TFB1M: variants seen among roughly 807,000 people sequenced by gnomAD.
TFB1M encodes the protein transcription factor B1, mitochondrial.
TFB1M carries 27 observed loss-of-function variants against 31.1 expected under a neutral mutation model. The ratio of observed to expected loss-of-function variants is 0.87; its 90% CI spans 0.64 to 1.20. The LOEUF (loss-of-function observed/expected upper bound fraction) is 1.20. TFB1M is among the 50% of genes most tolerant of loss of function. The pLI is 0.00. For synonymous variants in TFB1M, 166 were observed against 151.8 expected (o/e 1.09, Z -0.69); for missense variants, 394 against 418.7 (o/e 0.94, Z 0.51).
At chr6:155,265,592 T>C (rs1784591491) in intron 5 of TFB1M, among the ~76,000 whole-genome samples, 2 of 151,230 alleles carry the variant, frequency 1.3e-5, no homozygotes, top group African/African-American at 4.9e-5. Flanking sequence ...CTCTGAACTG[T>C]CATTATTTTC....
downstream of TFB1M, chr6:155,254,153 A>G (rs1783855273): frequency 7.3e-7 from 1 of 1,363,184 alleles, no homozygotes; most frequent in Admixed American, 2.1e-5. Context: ...CTGAATTTTG[A>G]TGATATCAGG....
At chr6:155,274,261 T>A (rs1359131961) in intron 5 of TFB1M, among the ~76,000 whole-genome samples, 1 of 152,338 alleles carries the variant, frequency 6.6e-6, no homozygotes, top group East Asian at 1.9e-4. Context: ...ACTGCAGTAT[T>A]TCAGAAACCA....
At chr6:155,285,421 A>C in intron 4 of TFB1M, 144 bp from the exon 5 acceptor site, 1 of 859,672 alleles carries the variant, frequency 1.2e-6, no homozygotes. Flanking sequence ...CACATGACAC[A>C]CAGCAAACAT....
downstream of TFB1M, chr6:155,251,172 T>C (rs1783634125): frequency 9.0e-6 from 6 of 664,230 alleles, no homozygotes; most frequent in Admixed American, 1.1e-4. Flanking sequence ...CCCCAACTAT[T>C]TGAAACTCCG....
intron 5 of TFB1M, among the ~76,000 whole-genome samples, chr6:155,263,656 A>G (rs1784492562): frequency 6.6e-6 from 1 of 152,192 alleles, no homozygotes; most frequent in Non-Finnish European, 1.5e-5. Flanking sequence ...TAAATCTTAG[A>G]TATTAGATAT....
chr6:155,269,681 A>G (rs1337337409), intron 5 of TFB1M, among the ~76,000 whole-genome samples: 2 of 152,204 alleles, frequency 1.3e-5, no homozygotes, highest in Non-Finnish European at 2.9e-5. Flanking sequence ...ATTAAGTATT[A>G]TAGCACCTTA....
At chr6:155,274,242 A>C (rs1785067464) in intron 5 of TFB1M, among the ~76,000 whole-genome samples, 1 of 152,214 alleles carries the variant, frequency 6.6e-6, no homozygotes, top group Non-Finnish European at 1.5e-5. Context: ...AATGACAAAG[A>C]AAGTCAGTAC....
In TFB1M at chr6:155,291,224, C is replaced by T. The variant is rs183950924; in HGVS notation, c.546+5729G>A. 5.3e-5 allele frequency among the ~76,000 whole-genome samples: 8 copies of T among 152,186 alleles called. No individual in the cohort carries two copies. The East Asian group carries it at 7.7e-4, about 15-fold the overall frequency. ...AACACTAAAAACATGTGGACAGTGTCAGAATTGAATGAAACTGCAGGATAC... is the reference window on the plus strand; with the variant it reads ...AACACTAAAAACATGTGGACAGTGTTAGAATTGAATGAAACTGCAGGATAC... On this transcript the variant is annotated intron_variant, in intron 4 of 6. Transcript: ENST00000367166.
At chr6:155,281,718 T>C (rs1402003820) in intron 5 of TFB1M, among the ~76,000 whole-genome samples, 2 of 84,140 alleles carry the variant, frequency 2.4e-5, no homozygotes, top group Admixed American at 1.7e-4. Flanking sequence ...TGAGACTCTG[T>C]CTCAAAAAAA....
At chr6:155,232,222 G>A in the TFB1M span, among the ~76,000 whole-genome samples, 10 of 151,816 alleles carry the variant, frequency 6.6e-5, no homozygotes, top group Non-Finnish European at 1.0e-4. Flanking sequence ...TGACTTTTAC[G>A]AAGTTCAGAG....
At chr6:155,314,242 C>T in intron 1 of TFB1M, 54 bp downstream of exon 1, 1 of 1,603,982 alleles carries the variant, frequency 6.2e-7, no homozygotes, top group Admixed American at 1.7e-5. Flanking sequence ...CCCCCCGGCC[C>T]ACGCCCCCAC....
Position 155,314,344 on chromosome 6 carries a change from C to T in TFB1M, c.85G>A (p.Ala29Thr). The T allele has an allele frequency of 6.2e-7, 1 of 1,614,254 alleles. No homozygotes were observed. Among genetic ancestry groups the T allele is most frequent in the South Asian group, 1.1e-5 (1 of 91,088 alleles). Residue 29 changes from alanine to threonine, a missense_variant, in exon 1 of 7, where the codon GCA (alanine) becomes ACA (threonine). Physicochemically the swap from Ala to Thr is moderately conservative, Grantham distance 58. Coordinates refer to ENST00000367166, the MANE Select transcript of TFB1M (RefSeq NM_016020.4). ...AAATTCTGTGATAGCTGCTTCGCTG[C>T]TTGCAGTCTTAACAACTTAATGATT... ...REIIKLLRLQ[A>T]AKQLSQNFLL...
chr6:155,251,836 G>A, downstream of TFB1M: 1 of 829,372 alleles, frequency 1.2e-6, no homozygotes, highest in Non-Finnish European at 1.9e-6. Context: ...TGAGGTCTTA[G>A]AGACTCATAC....
intron 5 of TFB1M, chr6:155,276,162 TG>T: frequency 1.9e-6 from 3 of 1,614,204 alleles, no homozygotes; most frequent in Non-Finnish European, 1.7e-6. Flanking sequence ...GCAAACTTTC[TG>T]GATCTGACAG....
the TFB1M span, among the ~76,000 whole-genome samples, chr6:155,246,203 G>A: frequency 6.6e-6 from 1 of 152,118 alleles, no homozygotes; most frequent in Admixed American, 6.5e-5. Context: ...TTTCCCAAAG[G>A]TTGCTCTTCG....
chr6:155,230,181 T>G, the TFB1M span, among the ~76,000 whole-genome samples: 8 of 152,178 alleles, frequency 5.3e-5, no homozygotes, highest in East Asian at 1.6e-3. Context: ...GTGGGTCTCC[T>G]CCACCCACTC....
downstream of TFB1M, chr6:155,253,280 A>T: frequency 3.9e-6 from 2 of 515,104 alleles, no homozygotes; most frequent in South Asian, 3.1e-5. Flanking sequence ...TTGTTTCCTT[A>T]TTTTCCCTAT....
the TFB1M span, among the ~76,000 whole-genome samples, chr6:155,246,164 C>G: frequency 5.9e-5 from 9 of 151,856 alleles, no homozygotes; most frequent in Non-Finnish European, 1.0e-4. Flanking sequence ...AAAGTAAAGT[C>G]TCTCTGGTGC....
intron 4 of TFB1M, among the ~76,000 whole-genome samples, chr6:155,289,657 T>G (rs1404709513): frequency 6.6e-6 from 1 of 152,186 alleles, no homozygotes; most frequent in Non-Finnish European, 1.5e-5. Flanking sequence ...AAAAAGAGCT[T>G]CCTGTGGCTA....
Sources: gnomAD v4.1 joint callset for allele counts (sites outside exome capture counted in the v4.1 genomes callset) on GRCh38, gnomAD v4.1.1 for gene constraint, MANE v1.5 for transcripts, NCBI Gene and HGNC (gene_info 2026-07-23, HGNC 2026-07-21) for gene names.